Variants in SYT1 observed in about 807,000 individuals in gnomAD.
SYT1 encodes the protein synaptotagmin-1.
In SYT1, 8 loss-of-function variants were observed where a neutral mutation model predicts 44.8. That is an observed-to-expected ratio of 0.18 (90% CI 0.10 to 0.32). The LOEUF (loss-of-function observed/expected upper bound fraction) is 0.32. SYT1 is among the 10% of genes least tolerant of loss of function. The probability of loss-of-function intolerance (pLI) is 1.00; values close to 1 mark genes in which losing one functional copy is unlikely to be tolerated. For synonymous variants in SYT1, 154 were observed against 188.8 expected, an observed-to-expected ratio of 0.82 and a Z score of 1.51; for missense variants, 286 against 509.3, an observed-to-expected ratio of 0.56 and a Z score of 4.22.
chr12:79,063,094 T>C (rs1439451764), intron 3 of SYT1, among the ~76,000 whole-genome samples: 1 of 152,172 alleles, frequency 6.6e-6, no homozygotes, highest in East Asian at 1.9e-4. Context: ...CCACCTCCTT[T>C]AACCTCACAA....
intron 1 of SYT1, among the ~76,000 whole-genome samples, chr12:78,921,294 CT>C (rs1348549538): frequency 2.0e-5 from 3 of 151,908 alleles, no homozygotes; most frequent in Non-Finnish European, 4.4e-5. Flanking sequence ...AACAGGTTAT[CT>C]ATTGCTTCAT....
intron 2 of SYT1, among the ~76,000 whole-genome samples, chr12:79,012,784 G>A (rs1243510514): frequency 2.6e-5 from 4 of 152,066 alleles, no homozygotes; most frequent in East Asian, 1.9e-4. Flanking sequence ...GCCTCTTTCC[G>A]GACTGCCACT....
chr12:78,959,439 T>G (rs1052933039), intron 1 of SYT1, among the ~76,000 whole-genome samples: 4 of 152,188 alleles, frequency 2.6e-5, no homozygotes, highest in African/African-American at 4.8e-5. Flanking sequence ...AAAGCTACCT[T>G]ACATAAAAAT....
intron 9 of SYT1, among the ~76,000 whole-genome samples, chr12:79,404,373 A>G (rs993723636): frequency 3.9e-5 from 6 of 152,180 alleles, no homozygotes; most frequent in Non-Finnish European, 2.9e-5. Flanking sequence ...TTATGTCCCA[A>G]AACACCTTCC....
intron 9 of SYT1, among the ~76,000 whole-genome samples, chr12:79,406,389 T>C (rs1368706603): frequency 2.6e-5 from 4 of 152,124 alleles, no homozygotes; most frequent in African/African-American, 7.2e-5. Flanking sequence ...CTATACACTC[T>C]CTGAAACTTC....
intron 9 of SYT1, among the ~76,000 whole-genome samples, chr12:79,356,871 A>C (rs765175878): frequency 6.6e-6 from 1 of 152,222 alleles, no homozygotes; most frequent in Non-Finnish European, 1.5e-5. Context: ...CATTTCTATT[A>C]GTAATTTTAT....
At chr12:79,243,907 A>AGGAG (rs1164511047) in intron 4 of SYT1, among the ~76,000 whole-genome samples, 32 of 151,624 alleles carry the variant, frequency 2.1e-4, no homozygotes, top group Non-Finnish European at 3.2e-4. Context: ...GAAGGAAGGA[A>AGGAG]GGAAGGAAAT....
chr12:79,291,918 A>G (rs545008312), intron 5 of SYT1, 90 bp from the exon 6 acceptor site: 11 of 1,510,414 alleles, frequency 7.3e-6, no homozygotes, highest in Admixed American at 1.7e-5. Context: ...GCTTGCTTCG[A>G]ACAGCTTGGA....
At chr12:79,376,179 T>C (rs1883987875) in intron 9 of SYT1, among the ~76,000 whole-genome samples, 1 of 152,204 alleles carries the variant, frequency 6.6e-6, no homozygotes, top group South Asian at 2.1e-4. Context: ...GAGAGGGTTC[T>C]TGGATCTTGT....
At chr12:78,963,440 G>A (rs1232411008) in intron 1 of SYT1, among the ~76,000 whole-genome samples, 1 of 152,000 alleles carries the variant, frequency 6.6e-6, no homozygotes, top group Non-Finnish European at 1.5e-5. Context: ...AATTTTTAAT[G>A]TAGGAACTCC....
intron 9 of SYT1, among the ~76,000 whole-genome samples, chr12:79,441,745 T>C (rs1425107171): frequency 6.6e-6 from 1 of 152,218 alleles, no homozygotes; most frequent in Admixed American, 6.5e-5. Context: ...CCTCACCGTC[T>C]ACCTCTCTTC....
At chr12:79,068,712 A>C (rs1027013867) in intron 3 of SYT1, among the ~76,000 whole-genome samples, 6 of 152,138 alleles carry the variant, frequency 3.9e-5, no homozygotes, top group African/African-American at 1.4e-4. Flanking sequence ...AAAAGAGAAA[A>C]GAAACAGGGA....
intron 1 of SYT1, among the ~76,000 whole-genome samples, chr12:78,925,066 G>A (rs894424893): frequency 1.3e-5 from 2 of 151,860 alleles, no homozygotes; most frequent in Non-Finnish European, 2.9e-5. Context: ...ATGAGTATAT[G>A]TGTCACTACA....
intron 3 of SYT1, among the ~76,000 whole-genome samples, chr12:79,172,991 AAAAAAAAAAAAAAAAG>A (rs1246027037): frequency 4.5e-4 from 64 of 143,122 alleles, no homozygotes; most frequent in African/African-American, 1.6e-3. Context: ...AAAAAAAAAA[AAAAAAAAAAAAAAAAG>A]GGAGTTTGGC....
At chr12:79,294,422 C>T (rs1461292125) in intron 6 of SYT1, among the ~76,000 whole-genome samples, 1 of 152,054 alleles carries the variant, frequency 6.6e-6, no homozygotes, top group Non-Finnish European at 1.5e-5. Flanking sequence ...TGAAAAACTT[C>T]ATAAAGTTTG....
intron 3 of SYT1, among the ~76,000 whole-genome samples, chr12:79,208,613 T>C (rs937027604): frequency 1.3e-5 from 2 of 152,118 alleles, no homozygotes; most frequent in African/African-American, 2.4e-5. Flanking sequence ...CTGCGGAGAA[T>C]TTCTGAAGAA....
chr12:79,364,609 A>G (rs573548224), intron 9 of SYT1, among the ~76,000 whole-genome samples: 7 of 152,300 alleles, frequency 4.6e-5, no homozygotes, highest in African/African-American at 1.7e-4. Flanking sequence ...AAATGATTTT[A>G]TTTAACTTAA....
rs187720417 is a variant in SYT1 at position 79,110,193 on chromosome 12, C to T, written c.-18+62831C>T. On this transcript the variant is annotated intron_variant, in intron 3 of 10. Coordinates refer to ENST00000261205, the MANE Select transcript of SYT1 (RefSeq NM_005639.3). ...AATAGAAGATTGAAGGAAGACCCTG[C>T]TATAAGCATAGCGTCCTACACAAGG... Among the ~76,000 whole-genome samples the T allele has an allele frequency of 6.5e-3, 994 of 152,076 alleles. 12 individuals carry two copies. The highest frequency in any genetic ancestry group is 0.023 in the African/African-American group (947 of 41,502).
chr12:78,929,217 C>T (rs895597093), intron 1 of SYT1, among the ~76,000 whole-genome samples: 2 of 151,282 alleles, frequency 1.3e-5, no homozygotes, highest in Admixed American at 6.6e-5. Flanking sequence ...GTCTAGCCAA[C>T]GTGGTGAAAC....
Sources: gnomAD v4.1 joint callset for allele counts (sites outside exome capture counted in the v4.1 genomes callset) on GRCh38, gnomAD v4.1.1 for gene constraint, MANE v1.5 for transcripts, NCBI Gene and HGNC (gene_info 2026-07-23, HGNC 2026-07-21) for gene names.